CHCHD2: variants seen among roughly 807,000 people sequenced by gnomAD.
CHCHD2 encodes coiled-coil-helix-coiled-coil-helix domain containing 2.
In CHCHD2, 17 loss-of-function variants were observed where a neutral mutation model predicts 17.5. The observed-to-expected ratio is 0.97, with a 90% confidence interval of 0.67 to 1.46. The LOEUF (loss-of-function observed/expected upper bound fraction) is 1.46. Ranked by LOEUF, CHCHD2 falls within the 40% of genes most tolerant of loss-of-function variation. The pLI, the probability that CHCHD2 is intolerant of heterozygous loss-of-function variation, is 0.00. For synonymous variants in CHCHD2, 63 were observed against 74.3 expected (o/e 0.85, Z 0.78); for missense variants, 175 against 199.9 (o/e 0.88, Z 0.75).
At chr7:56,101,993 AAAAAATAGAGATGAGG>A in intron 3 of CHCHD2, 132 bp from the exon 4 acceptor site, 1 of 866,570 alleles carries the variant, frequency 1.2e-6, no homozygotes, top group South Asian at 1.6e-5. Context: ...TTTTTTTGAT[AAAAAATAGAGATGAGG>A]TCTTGCTATG....
intron 2 of CHCHD2, among the ~76,000 whole-genome samples, chr7:56,103,316 C>T (rs1162581940): frequency 6.6e-6 from 1 of 152,144 alleles, no homozygotes; most frequent in African/African-American, 2.4e-5. Flanking sequence ...CCCGTCCCTA[C>T]TAAAAATACA....
chr7:56,105,291 G>C (rs13238718), intron 1 of CHCHD2, among the ~76,000 whole-genome samples: 4 of 152,044 alleles, frequency 2.6e-5, no homozygotes, highest in South Asian at 4.1e-4. Flanking sequence ...CCATGTATTC[G>C]GATAGCCCAC....
At chr7:56,102,178 CTTAA>C (rs1281246819) in intron 3 of CHCHD2, among the ~76,000 whole-genome samples, 85 of 151,976 alleles carry the variant, frequency 5.6e-4, no homozygotes, top group African/African-American at 7.3e-5. Flanking sequence ...CCCTGAGGAA[CTTAA>C]TTAACTCCTT....
intron 3 of CHCHD2, among the ~76,000 whole-genome samples, chr7:56,102,353 T>TC (rs1785300945): frequency 6.6e-6 from 1 of 151,650 alleles, no homozygotes; most frequent in Admixed American, 6.6e-5. Flanking sequence ...ACCTTCTTTT[T>TC]TTTTTTTTTC....
At chr7:56,104,531 T>C (rs1785350039) in intron 1 of CHCHD2, 56 bp from the exon 2 acceptor site, 2 of 1,457,366 alleles carry the variant, frequency 1.4e-6, no homozygotes, top group Non-Finnish European at 9.1e-7. Context: ...TTTTGGAAAT[T>C]GTCAACTTAA....
At position 56,106,432 on chromosome 7, in the gene CHCHD2, A is replaced by G. The variant is rs767666028; in HGVS notation, c.-19T>C. The G allele has an allele frequency of 7.4e-6, 12 of 1,613,006 alleles. No individual in the cohort carries two copies. Among genetic ancestry groups the G allele is most frequent in the South Asian group, 2.2e-5 (2 of 91,012 alleles). The stretch of plus-strand genomic sequence containing the variant: ...GCGGCATCCTAGGTAAGCGACGGCT[A>G]GGCCTCCGGACGTGGGACAACCACC... On this transcript the variant is annotated 5_prime_UTR_variant, in exon 1 of 4. Transcript: ENST00000395422.
In CHCHD2 at chr7:56,101,678, C is replaced by T. The variant is rs1785287613; in HGVS notation, c.*173G>A. The T allele has an allele frequency of 5.1e-6, 3 of 587,652 alleles. No individual in the cohort carries two copies. The highest frequency in any genetic ancestry group is 2.4e-5 in the South Asian group (1 of 41,416). The allele number at this position is 587,652 out of a possible 1,614,324, so 36.4% of individuals were successfully genotyped here. On this transcript the variant is annotated 3_prime_UTR_variant, in exon 4 of 4. Coordinates refer to ENST00000395422, the MANE Select transcript of CHCHD2 (RefSeq NM_016139.4). ...AACATTTGCCCAGTCCCAGATTCTA[C>T]AGAGTAGGGACACCCCCACTTCCAT... is the stretch of plus-strand genomic sequence containing the variant.
chr7:56,104,699 C>T (rs569558649), intron 1 of CHCHD2, among the ~76,000 whole-genome samples: 83 of 152,134 alleles, frequency 5.5e-4, no homozygotes, highest in Admixed American at 2.9e-3. Context: ...CCTCCACCTC[C>T]CAGACTCAAG....
chr7:56,105,207 G>A (rs570434578), intron 1 of CHCHD2, among the ~76,000 whole-genome samples: 57 of 151,126 alleles, frequency 3.8e-4, no homozygotes, highest in Non-Finnish European at 7.4e-4. Context: ...CACCACGCCC[G>A]GCCACTTTAA....
In CHCHD2 at chr7:56,103,027, A is replaced by G. The variant is rs768533810; in HGVS notation, c.301-16T>C. The G allele has an allele frequency of 5.0e-6, 8 of 1,614,140 alleles. No homozygotes were observed. The Admixed American group carries it at 1.3e-4, about 27-fold the overall frequency. The stretch of plus-strand genomic sequence containing the variant: ...CCTGAGGCTCCTGCAAAGGCAAAAC[A>G]TTCAACATTGCTGAGAAAGAAAATC... On this transcript the variant is annotated splice_polypyrimidine_tract_variant and intron_variant, in intron 2 of 3. Transcript: ENST00000395422.
rs940343431 is a variant in CHCHD2, at chr7:56,101,635, G to C, written c.*216C>G. ...GAATAAAATCATAACATAACAGCTA[G>C]TTTAAGGAGGCCACACAAACATTTG... On this transcript the variant is annotated 3_prime_UTR_variant, in exon 4 of 4. Coordinates refer to ENST00000395422, the MANE Select transcript of CHCHD2 (RefSeq NM_016139.4). 1 of 511,902 alleles carries C rather than the reference G, an allele frequency of 2.0e-6. No homozygotes were observed. Among genetic ancestry groups the C allele is most frequent in the Admixed American group, 3.7e-5 (1 of 26,740 alleles). The allele number at this position is 511,902 out of a possible 1,614,324, so 31.7% of individuals were successfully genotyped here.
intron 1 of CHCHD2, 74 bp from the exon 2 acceptor site, chr7:56,104,549 T>TA: frequency 7.3e-7 from 1 of 1,370,074 alleles, no homozygotes; most frequent in South Asian, 1.5e-5. Flanking sequence ...TAAAATAACT[T>TA]ACATATTAAA....
chr7:56,104,750 G>C (rs548563857), intron 1 of CHCHD2, among the ~76,000 whole-genome samples: 51 of 151,994 alleles, frequency 3.4e-4, no homozygotes, highest in African/African-American at 1.2e-3. Flanking sequence ...TGGGATTACA[G>C]GCACCCGCGA....
chr7:56,106,320 T>C lies in CHCHD2; in HGVS notation c.50+44A>G, dbSNP rs7808463. On this transcript the variant is annotated intron_variant, in intron 1 of 3. Coordinates refer to ENST00000395422, the MANE Select transcript of CHCHD2 (RefSeq NM_016139.4). ...CCTCTGCGTCATTGCCCCAGTAGAG[T>C]CCGGACGGCCGCGCTTTGGTCTCAA... The C allele has an allele frequency of 2.3e-4, 369 of 1,593,922 alleles. No individual in the cohort carries two copies. In the African/African-American group the frequency reaches 4.4e-3, roughly 19 times the overall value.
Position 56,104,489 on chromosome 7 carries a change from G to T in CHCHD2, c.51-14C>A. The T allele has an allele frequency of 6.6e-7, 1 of 1,526,378 alleles. No homozygotes were observed. The highest frequency in any genetic ancestry group is 8.8e-7 in the Non-Finnish European group (1 of 1,132,498). The allele number at this position is 1,526,378 out of a possible 1,614,324, so 94.6% of individuals were successfully genotyped here. A position where few individuals can be genotyped will look rare whatever the true frequency, so the allele number is the denominator to read the frequency against. On this transcript the variant is annotated splice_polypyrimidine_tract_variant and intron_variant, in intron 1 of 3. Coordinates refer to ENST00000395422, the MANE Select transcript of CHCHD2 (RefSeq NM_016139.4). ...TGAGGGGCCCGGCTGTGAAAGAAAA[G>T]AAAAAAACATCAAGTTCCCAATTCC...
intron 2 of CHCHD2, 60 bp from the exon 3 acceptor site, chr7:56,103,071 T>G (rs996678775): frequency 1.5e-5 from 23 of 1,574,958 alleles, no homozygotes; most frequent in African/African-American, 4.0e-5. Flanking sequence ...GCCTAGACAA[T>G]GAAGAGTATC....
chr7:56,104,413 G>A lies in CHCHD2; in HGVS notation c.113C>T (p.Ala38Val). 1 of 1,610,518 alleles carries A rather than the reference G, an allele frequency of 6.2e-7. No individual in the cohort carries two copies. The highest frequency in any genetic ancestry group is 1.1e-5 in the South Asian group (1 of 90,828). ...PAPVAQPPAA[A>V]PPSAVGSSAA... ...AGAAGAGCCAACTGCAGATGGGGGT[G>A]CCGCTGCTGGTGGCTGAGCGACTGG... Residue 38 changes from alanine to valine, a missense_variant, in exon 2 of 4, where the codon GCA (alanine) becomes GTA (valine). Transcript: ENST00000395422.
chr7:56,104,901 C>G (rs962702548), intron 1 of CHCHD2, among the ~76,000 whole-genome samples: 2 of 151,374 alleles, frequency 1.3e-5, no homozygotes, highest in Non-Finnish European at 2.9e-5. Flanking sequence ...TGAACCACCA[C>G]GCACGGCCTA....
Position 56,101,864 on chromosome 7 carries a change from G to T in CHCHD2, c.446-3C>A, listed in dbSNP as rs760498450. On this transcript the variant is annotated splice_region_variant and splice_polypyrimidine_tract_variant and intron_variant, in intron 3 of 3. Transcript: ENST00000395422. ...TGAACTTCTTCATTAGGCCAATCCT[G>T]CAAACAGAAAAGATTAAGTTAGAAG... 2 of 1,612,568 alleles carry T rather than the reference G, an allele frequency of 1.2e-6. No individual in the cohort carries two copies. Among genetic ancestry groups the T allele is most frequent in the South Asian group, 2.2e-5 (2 of 90,904 alleles).
Sources: gnomAD v4.1 joint callset for allele counts (sites outside exome capture counted in the v4.1 genomes callset) on GRCh38, gnomAD v4.1.1 for gene constraint, MANE v1.5 for transcripts, NCBI Gene and HGNC (gene_info 2026-07-23, HGNC 2026-07-21) for gene names.